MALRD1: variants seen among roughly 807,000 people sequenced by gnomAD.
The protein encoded by MALRD1 is MAM and LDL-receptor class A domain-containing protein 1.
Under a neutral mutation model 242.1 loss-of-function variants are expected in MALRD1, and 247 were observed. The observed-to-expected ratio is 1.02, with a 90% CI of 0.92 to 1.13. The LOEUF (loss-of-function observed/expected upper bound fraction) is 1.13. Among genes scored for constraint, MALRD1 ranks in the 50% most tolerant of loss-of-function variants. The pLI is 0.00. For missense variants in MALRD1, 2,989 were observed against 2,533.1 expected, an observed-to-expected ratio of 1.18 and a Z score of -3.86; for synonymous variants, 995 against 866.6, an observed-to-expected ratio of 1.15 and a Z score of -2.60.
At chr10:19,708,771 C>T (rs576383659) in intron 38 of MALRD1, among the ~76,000 whole-genome samples, 1 of 123,208 alleles carries the variant, frequency 8.1e-6, no homozygotes, top group Non-Finnish European at 1.9e-5. Context: ...AAGCGATTCT[C>T]CTGCCTCAGC....
intron 18 of MALRD1, among the ~76,000 whole-genome samples, chr10:19,244,564 C>CA (rs200232383): frequency 0.017 from 2,567 of 147,194 alleles, 70 homozygotes; most frequent in African/African-American, 0.06. Context: ...GACCCTGTTT[C>CA]AAAAAAACAA....
chr10:19,348,173 G>A (rs1383712543), intron 25 of MALRD1, among the ~76,000 whole-genome samples, 155 bp downstream of exon 25: 1 of 152,080 alleles, frequency 6.6e-6, no homozygotes, highest in African/African-American at 2.4e-5. Flanking sequence ...AAAAAATGAA[G>A]TTCAGAATGA....
intron 36 of MALRD1, among the ~76,000 whole-genome samples, chr10:19,687,748 TC>T (rs1842636367): frequency 6.6e-6 from 1 of 152,184 alleles, no homozygotes; most frequent in South Asian, 2.1e-4. Context: ...TTTTGGCCAT[TC>T]CTTTTAGAGA....
chr10:19,497,004 G>A (rs1263176330), intron 30 of MALRD1, among the ~76,000 whole-genome samples: 2 of 152,098 alleles, frequency 1.3e-5, no homozygotes, highest in Non-Finnish European at 2.9e-5. Context: ...ATCCTGATTG[G>A]ATAAATATCT....
At chr10:19,400,877 G>A (rs190544898) in intron 28 of MALRD1, among the ~76,000 whole-genome samples, 9 of 152,000 alleles carry the variant, frequency 5.9e-5, no homozygotes, top group South Asian at 2.1e-4. Context: ...TTAGCCAGGC[G>A]TGGTGGCACG....
intron 26 of MALRD1, among the ~76,000 whole-genome samples, chr10:19,383,301 G>A (rs999812501): frequency 2.0e-5 from 3 of 152,094 alleles, no homozygotes; most frequent in Non-Finnish European, 2.9e-5. Flanking sequence ...AGAACATACG[G>A]TATTGGCTTT....
At chr10:19,563,011 G>C (rs989561350) in intron 32 of MALRD1, among the ~76,000 whole-genome samples, 1 of 152,152 alleles carries the variant, frequency 6.6e-6, no homozygotes, top group African/African-American at 2.4e-5. Flanking sequence ...AATAGTTGTT[G>C]ATTTTCAGTT....
intron 21 of MALRD1, among the ~76,000 whole-genome samples, chr10:19,290,690 A>G (rs1841374547): frequency 6.6e-6 from 1 of 152,208 alleles, no homozygotes; most frequent in Non-Finnish European, 1.5e-5. Flanking sequence ...TGCTCCAACA[A>G]CTACTAAGGC....
At chr10:19,658,744 C>T (rs975585417) in intron 36 of MALRD1, among the ~76,000 whole-genome samples, 7 of 152,124 alleles carry the variant, frequency 4.6e-5, no homozygotes, top group African/African-American at 1.4e-4. Context: ...CTCCTATTTA[C>T]CTACCATGGT....
intron 4 of MALRD1, among the ~76,000 whole-genome samples, chr10:19,102,144 C>A (rs1237315930): frequency 1.4e-5 from 2 of 141,814 alleles, no homozygotes; most frequent in African/African-American, 5.1e-5. Flanking sequence ...TATTATATAA[C>A]TATGTATATG....
intron 29 of MALRD1, among the ~76,000 whole-genome samples, chr10:19,475,207 A>G (rs1282355070): frequency 6.6e-6 from 1 of 152,166 alleles, no homozygotes; most frequent in Non-Finnish European, 1.5e-5. Context: ...CGAGGTCAGG[A>G]GATCGAGACC....
intron 19 of MALRD1, among the ~76,000 whole-genome samples, chr10:19,272,027 T>C (rs978172729): frequency 6.6e-6 from 1 of 152,114 alleles, no homozygotes; most frequent in African/African-American, 2.4e-5. Flanking sequence ...TAATAAAATG[T>C]AAACAAGTGA....
chr10:19,326,424 A>G (rs1843137909), intron 22 of MALRD1, among the ~76,000 whole-genome samples: 1 of 152,146 alleles, frequency 6.6e-6, no homozygotes, highest in South Asian at 2.1e-4. Context: ...GTGCATGGAT[A>G]AATAAAATAA....
chr10:19,257,768 C>A lies in MALRD1; in HGVS notation c.3076C>A (p.Pro1026Thr), dbSNP rs77740729. 1.6e-3 allele frequency: 2,443 copies of A among 1,520,734 alleles called. 31 individuals carry two copies. The African/African-American group carries it at 0.029, about 18-fold the overall frequency. The allele number at this position is 1,520,734 out of a possible 1,614,324, so 94.2% of individuals were successfully genotyped here. Residue 1026 changes from proline (P) to threonine (T), a missense_variant, in exon 19 of 40, where the codon CCT (proline) becomes ACT (threonine). Physicochemically the swap from Pro to Thr is conservative, Grantham distance 38. Coordinates refer to ENST00000454679, the MANE Select transcript of MALRD1 (RefSeq NM_001142308.3). ...GTCATTTATGGACTGCACCCTCTAC[C>A]CTGGTAAGAGAGAACATTTCAATTT... ...DLSFMDCTLY[P>T]GNLPADLPTP...
chr10:19,705,804 T>TGAAAAAAAAAAAA lies in MALRD1; in HGVS notation c.6314+13250_6314+13251insGAAAAAAAAAAAA, dbSNP rs71388859. Among the ~76,000 whole-genome samples, 10 of 102,872 alleles carry TGAAAAAAAAAAAA rather than the reference T, an allele frequency of 9.7e-5. 1 individual carries two copies. Among genetic ancestry groups the TGAAAAAAAAAAAA allele is most frequent in the Non-Finnish European group, 1.8e-4 (10 of 56,416 alleles). 67.5% of individuals were successfully genotyped at this position (102,872 alleles called of 152,430 possible). On this transcript the variant is annotated intron_variant, in intron 38 of 39. Coordinates refer to ENST00000454679, the MANE Select transcript of MALRD1 (RefSeq NM_001142308.3). ...ACCTTGTTCTCATGTCCTGCAATAG[T>TGAAAAAAAAAAAA]AAAAAAAAAAAAAAGCCCACAAGAG...
intron 28 of MALRD1, among the ~76,000 whole-genome samples, chr10:19,442,613 G>C (rs368878054): frequency 6.6e-6 from 1 of 152,062 alleles, no homozygotes; most frequent in African/African-American, 2.4e-5. Flanking sequence ...TTATATGCTG[G>C]ATTATGTTTA....
rs369985979 is a variant in MALRD1 at position 19,121,023 on chromosome 10, C to T, written c.695-2469C>T. On this transcript the variant is annotated intron_variant, in intron 5 of 39. Transcript: ENST00000454679. ...CCTCCCAAAATGCTGGGATTACAGG[C>T]GTGAGCCACTGTGCCCGGCCTTTTT... is the stretch of plus-strand genomic sequence containing the variant. 2.3e-3 allele frequency among the ~76,000 whole-genome samples: 331 copies of T among 147,106 alleles called. 2 individuals carry two copies. The highest frequency in any genetic ancestry group is 7.8e-3 in the African/African-American group (311 of 39,808).
Position 19,489,424 on chromosome 10 carries a change from C to T in MALRD1, c.5030-2093C>T, listed in dbSNP as rs187220204. On this transcript the variant is annotated intron_variant, in intron 29 of 39. Transcript: ENST00000454679. ...ATTAATACTATGTACCATGTCTTAT[C>T]AGTGGTCCCTGTCTCCCTTCTTGTA... 15 of 574,710 alleles carry T rather than the reference C, an allele frequency of 2.6e-5. No homozygotes were observed. The East Asian group carries it at 6.7e-4, about 26-fold the overall frequency. The allele number at this position is 574,710 out of a possible 1,614,324, so 35.6% of individuals were successfully genotyped here.
At position 19,567,485 on chromosome 10, in the gene MALRD1, T is replaced by G; in HGVS notation, c.5479-17T>G. 1 of 1,545,130 alleles carries G rather than the reference T, an allele frequency of 6.5e-7. No individual in the cohort carries two copies. On this transcript the variant is annotated splice_polypyrimidine_tract_variant and intron_variant, in intron 32 of 39. Transcript: ENST00000454679. ...AATATCCAATCATAAAAAGTTATTTTTTAATGATTTTTAAAGGTGTATACC... is the reference window on the plus strand; with the variant it reads ...AATATCCAATCATAAAAAGTTATTTGTTAATGATTTTTAAAGGTGTATACC...
Sources: gnomAD v4.1 joint callset for allele counts (sites outside exome capture counted in the v4.1 genomes callset) on GRCh38, gnomAD v4.1.1 for gene constraint, MANE v1.5 for transcripts, NCBI Gene and HGNC (gene_info 2026-07-23, HGNC 2026-07-21) for gene names.